The following TENM4 variants were observed in gnomAD, a reference collection of about 807,000 sequenced individuals.
The protein encoded by TENM4 is teneurin-4.
A neutral mutation model predicts 243.3 loss-of-function variants in TENM4; 82 were observed. The observed-to-expected ratio is 0.34, with a 90% CI of 0.28 to 0.40. The LOEUF (loss-of-function observed/expected upper bound fraction) is 0.40, where lower values mean the gene tolerates loss of function less well. Ranked by LOEUF, TENM4 falls within the 10% of genes least tolerant of loss-of-function variation. The pLI is 1.00. For synonymous variants in TENM4, 1,412 were observed against 1,456.3 expected (o/e 0.97, Z 0.69); for missense variants, 3,138 against 3,673.3 (o/e 0.85, Z 3.77).
At chr11:78,684,889 G>A (rs1279758851) in intron 29 of TENM4, among the ~76,000 whole-genome samples, 1 of 152,214 alleles carries the variant, frequency 6.6e-6, no homozygotes, top group East Asian at 1.9e-4. Context: ...AGGATTATAT[G>A]TGCTCAGTAA....
At chr11:79,356,349 A>G (rs1016110792) in intron 1 of TENM4, among the ~76,000 whole-genome samples, 5 of 152,222 alleles carry the variant, frequency 3.3e-5, no homozygotes, top group Non-Finnish European at 7.3e-5. Context: ...TACTAATTGA[A>G]TCTGCCTCCT....
chr11:78,782,404 C>T (rs961508787), intron 16 of TENM4, among the ~76,000 whole-genome samples: 5 of 151,776 alleles, frequency 3.3e-5, no homozygotes, highest in Non-Finnish European at 5.9e-5. Flanking sequence ...TTGAGATCAG[C>T]GTGACCAACA....
At chr11:78,752,827 C>A (rs888772940) in intron 19 of TENM4, among the ~76,000 whole-genome samples, 1 of 152,050 alleles carries the variant, frequency 6.6e-6, no homozygotes, top group Non-Finnish European at 1.5e-5. Context: ...TCTGGGTGGT[C>A]GCTGGACCTG....
chr11:79,396,414 A>G (rs1858345748), intron 1 of TENM4, among the ~76,000 whole-genome samples: 1 of 152,214 alleles, frequency 6.6e-6, no homozygotes, highest in African/African-American at 2.4e-5. Flanking sequence ...AGGTAAAAAT[A>G]TCACACAAAA....
chr11:79,253,799 G>A (rs1032448270), intron 2 of TENM4, among the ~76,000 whole-genome samples: 1 of 152,068 alleles, frequency 6.6e-6, no homozygotes, highest in Admixed American at 6.5e-5. Flanking sequence ...AAATAAAATC[G>A]ATGATGAACT....
At chr11:79,278,958 C>T (rs939000760) in intron 2 of TENM4, among the ~76,000 whole-genome samples, 1 of 152,316 alleles carries the variant, frequency 6.6e-6, no homozygotes, top group South Asian at 2.1e-4. Context: ...CCCAGACAAG[C>T]GCACAGGGCC....
chr11:79,251,877 C>T (rs1389954904), intron 2 of TENM4, among the ~76,000 whole-genome samples: 1 of 151,306 alleles, frequency 6.6e-6, no homozygotes, highest in African/African-American at 2.4e-5. Context: ...TTAAGTACAG[C>T]TAAAGAGATA....
At chr11:79,370,272 C>G (rs1857756395) in intron 1 of TENM4, among the ~76,000 whole-genome samples, 1 of 152,190 alleles carries the variant, frequency 6.6e-6, no homozygotes, top group South Asian at 2.1e-4. Flanking sequence ...ATTATCATGA[C>G]AGCACAGGCT....
chr11:79,164,298 A>G (rs1173850099), intron 3 of TENM4, among the ~76,000 whole-genome samples: 34 of 126,430 alleles, frequency 2.7e-4, no homozygotes, highest in African/African-American at 1.1e-3. Context: ...ATATACTAGT[A>G]TATATAGTAT....
At chr11:79,005,031 CA>C (rs1389201295) in intron 6 of TENM4, among the ~76,000 whole-genome samples, 15 of 148,864 alleles carry the variant, frequency 1.0e-4, no homozygotes, top group Non-Finnish European at 5.9e-5. Context: ...ATAAATTCCT[CA>C]AAACATACAA....
At chr11:79,274,642 G>A (rs1856022673) in intron 2 of TENM4, among the ~76,000 whole-genome samples, 1 of 152,156 alleles carries the variant, frequency 6.6e-6, no homozygotes. Flanking sequence ...GGGCAGAAGA[G>A]AGATTAAAAA....
intron 6 of TENM4, among the ~76,000 whole-genome samples, chr11:79,063,089 C>T (rs914667504): frequency 2.6e-5 from 4 of 152,172 alleles, no homozygotes; most frequent in East Asian, 1.9e-4. Context: ...GCTCCCTAGG[C>T]GAACATGTTA....
intron 6 of TENM4, among the ~76,000 whole-genome samples, chr11:78,982,884 G>A (rs889906799): frequency 2.0e-5 from 3 of 152,166 alleles, no homozygotes; most frequent in African/African-American, 7.2e-5. Context: ...CCTTTTTAAA[G>A]CAGCCCTGAG....
intron 3 of TENM4, among the ~76,000 whole-genome samples, chr11:79,174,978 T>TAAG (rs1281901195): frequency 6.6e-6 from 1 of 152,232 alleles, no homozygotes; most frequent in Non-Finnish European, 1.5e-5. Context: ...GCCAGGATCC[T>TAAG]AAGTAATATA....
chr11:79,079,837 A>AAG (rs1860622417), intron 4 of TENM4, among the ~76,000 whole-genome samples: 1 of 150,900 alleles, frequency 6.6e-6, no homozygotes, highest in East Asian at 2.0e-4. Flanking sequence ...GTTTCAAAAA[A>AAG]AAAAAAAAAA....
chr11:79,159,525 A>G (rs561756409), intron 3 of TENM4, among the ~76,000 whole-genome samples: 12 of 152,114 alleles, frequency 7.9e-5, no homozygotes, highest in African/African-American at 2.7e-4. Flanking sequence ...CGCATCTGTA[A>G]AAAGGGGGAT....
chr11:78,769,400 T>A (rs975378644), intron 18 of TENM4, among the ~76,000 whole-genome samples: 1 of 152,060 alleles, frequency 6.6e-6, no homozygotes, highest in Admixed American at 6.6e-5. Context: ...CACCTTCTGA[T>A]GAATGCTTTC....
intron 6 of TENM4, among the ~76,000 whole-genome samples, chr11:78,933,574 G>A (rs991646909): frequency 2.0e-5 from 3 of 152,168 alleles, no homozygotes; most frequent in Admixed American, 6.5e-5. Flanking sequence ...ACCCAGCCAC[G>A]TTAAATGCCA....
chr11:79,029,089 G>T (rs192146380), intron 6 of TENM4, among the ~76,000 whole-genome samples: 2 of 151,786 alleles, frequency 1.3e-5, no homozygotes, highest in Non-Finnish European at 2.9e-5. Flanking sequence ...TTTTCCCCTC[G>T]CATCTTCAGA....
Sources: gnomAD v4.1 joint callset for allele counts (sites outside exome capture counted in the v4.1 genomes callset) on GRCh38, gnomAD v4.1.1 for gene constraint, MANE v1.5 for transcripts, NCBI Gene and HGNC (gene_info 2026-07-23, HGNC 2026-07-21) for gene names.